Variants in CACNA1D observed in about 807,000 individuals in gnomAD.
The protein encoded by CACNA1D is voltage-dependent L-type calcium channel subunit alpha-1D.
A neutral mutation model predicts 257.1 loss-of-function variants in CACNA1D; 55 were observed. That is an observed-to-expected ratio of 0.21 (90% CI 0.17 to 0.27). CACNA1D has a LOEUF of 0.27. Ranked by LOEUF, CACNA1D falls within the 10% of genes least tolerant of loss-of-function variation. The pLI, the probability that CACNA1D is intolerant of heterozygous loss-of-function variation, is 1.00. For synonymous variants in CACNA1D, 980 were observed against 1,014.9 expected (o/e 0.97, Z 0.65); for missense variants, 1,876 against 2,784.0 (o/e 0.67, Z 7.34).
intron 3 of CACNA1D, among the ~76,000 whole-genome samples, chr3:53,593,744 TC>T (rs1302215745): frequency 2.0e-5 from 3 of 152,196 alleles, no homozygotes; most frequent in Non-Finnish European, 4.4e-5. Flanking sequence ...TGGGATTTTT[TC>T]CTTCTAAGCT....
intron 3 of CACNA1D, among the ~76,000 whole-genome samples, chr3:53,574,343 G>A (rs747545237): frequency 6.6e-6 from 1 of 152,142 alleles, no homozygotes; most frequent in African/African-American, 2.4e-5. Flanking sequence ...CCTTCTCACC[G>A]GATCTCCATC....
chr3:53,788,228 G>A (rs923741609), intron 40 of CACNA1D, among the ~76,000 whole-genome samples: 1 of 152,186 alleles, frequency 6.6e-6, no homozygotes, highest in African/African-American at 2.4e-5. Context: ...CTGATTCATG[G>A]TGCAACCTCT....
chr3:53,723,821 C>A lies in CACNA1D; in HGVS notation c.1922C>A (p.Ala641Glu). ...TGGACTTCCCTGAGCAACTTAGTGG[C>A]ATCCTTATTAAACTCCATGAAGTCC... Reference protein sequence around the residue: ...RHWTSLSNLVASLLNSMKSIA... With the variant: ...RHWTSLSNLVESLLNSMKSIA... The change falls in exon 14 of 48, where the codon GCA becomes GAA. Residue 641 changes from alanine to glutamate, a missense_variant. Transcript: ENST00000350061. The surrounding 1 kb of genome is among the most constrained non-coding windows in gnomAD (Gnocchi z 5.6). 1 of 1,614,092 alleles carries A rather than the reference C, an allele frequency of 6.2e-7. No homozygotes were observed. Among genetic ancestry groups the A allele is most frequent in the Non-Finnish European group, 8.5e-7 (1 of 1,179,926 alleles).
At chr3:53,701,612 C>T (rs773248641) in intron 8 of CACNA1D, among the ~76,000 whole-genome samples, 2 of 152,256 alleles carry the variant, frequency 1.3e-5, no homozygotes, top group Non-Finnish European at 2.9e-5. Flanking sequence ...TGTGCAGAAA[C>T]TGCATTGCTG....
rs1033321800 is a variant in CACNA1D, at chr3:53,523,528, C to G, written c.483+21808C>G. Among the ~76,000 whole-genome samples, 60 of 152,202 alleles carry G rather than the reference C, an allele frequency of 3.9e-4. 2 individuals are homozygous for G. Among genetic ancestry groups the G allele is most frequent in the Admixed American group, 7.2e-4 (11 of 15,282 alleles). Reference sequence around the variant, plus strand: ...CACAACTGAGACTGGCATCCAGGGCCTCTGGCGCTTCGCCATAGGCACATT... The same window carrying G: ...CACAACTGAGACTGGCATCCAGGGCGTCTGGCGCTTCGCCATAGGCACATT... On this transcript the variant is annotated intron_variant, in intron 3 of 47. Transcript: ENST00000350061.
intron 30 of CACNA1D, among the ~76,000 whole-genome samples, chr3:53,764,822 G>T (rs1489640461): frequency 6.6e-6 from 1 of 152,202 alleles, no homozygotes; most frequent in African/African-American, 2.4e-5. Context: ...CAGGCTTTCA[G>T]GGGGCCCCTT....
chr3:53,685,346 A>C (rs1314656926), intron 8 of CACNA1D, among the ~76,000 whole-genome samples: 4 of 152,170 alleles, frequency 2.6e-5, no homozygotes, highest in African/African-American at 9.6e-5. Context: ...AATTAAGTGG[A>C]GAAATTGATA....
Position 53,636,305 on chromosome 3 carries a change from C to T in CACNA1D, c.484-14474C>T, listed in dbSNP as rs1333457715. On this transcript the variant is annotated intron_variant, in intron 3 of 47. Transcript: ENST00000350061. ...CTGAAACACGTTTGAAAAATATATG[C>T]GATTTATTTGTTTTTTGAGATGGAG... 3.3e-5 allele frequency among the ~76,000 whole-genome samples: 5 copies of T among 151,982 alleles called. No homozygotes were observed. In the East Asian group the frequency reaches 5.8e-4, roughly 18 times the overall value.
intron 40 of CACNA1D, chr3:53,791,097 A>G (rs1559694720): frequency 2.9e-6 from 2 of 696,994 alleles, no homozygotes; most frequent in Admixed American, 2.0e-5. Context: ...GCTTATTTCT[A>G]CTGAAACAGC....
chr3:53,538,753 C>A (rs2092211111), intron 3 of CACNA1D, among the ~76,000 whole-genome samples: 1 of 152,186 alleles, frequency 6.6e-6, no homozygotes, highest in African/African-American at 2.4e-5. Context: ...CCATTTTCTT[C>A]AAGGAGTCAG....
intron 3 of CACNA1D, among the ~76,000 whole-genome samples, chr3:53,586,525 GT>G (rs1464230120): frequency 6.6e-6 from 1 of 152,008 alleles, no homozygotes; most frequent in Non-Finnish European, 1.5e-5. Flanking sequence ...ATCTACTTTG[GT>G]TTTTTAAAGT....
At chr3:53,685,772 A>G (rs2094468964) in intron 8 of CACNA1D, among the ~76,000 whole-genome samples, 1 of 152,140 alleles carries the variant, frequency 6.6e-6, no homozygotes, top group Non-Finnish European at 1.5e-5. Context: ...GGGAAATTGT[A>G]TGATCCGTTG....
chr3:53,720,759 G>C lies in CACNA1D; in HGVS notation c.1505+978G>C, dbSNP rs78889278. ...ATCTGACAATGACAAGTTCTGACAA[G>C]GATGCTGATTGGTGGGAACTTTCAT... On this transcript the variant is annotated intron_variant, in intron 11 of 47. Transcript: ENST00000350061. 9.5e-3 allele frequency among the ~76,000 whole-genome samples: 1,443 copies of C among 152,310 alleles called. 28 individuals are homozygous for C. Among genetic ancestry groups the C allele is most frequent in the African/African-American group, 0.032 (1,334 of 41,562 alleles).
At position 53,550,469 on chromosome 3, in the gene CACNA1D, C is replaced by T. The variant is rs1297774149; in HGVS notation, c.483+48749C>T. Among the ~76,000 whole-genome samples, 6 of 152,224 alleles carry T rather than the reference C, an allele frequency of 3.9e-5. No individual in the cohort carries two copies. In the East Asian group the frequency reaches 5.8e-4, roughly 15 times the overall value. On this transcript the variant is annotated intron_variant, in intron 3 of 47. Transcript: ENST00000350061. ...CATTCCTTGACTCTTCATGAACTGT[C>T]GGCCTTCCTGTGTAAGTGGGTCAGG...
Position 53,800,408 on chromosome 3 carries a change from A to G in CACNA1D, c.5040+43A>G. The G allele has an allele frequency of 7.7e-7, 1 of 1,306,866 alleles. No individual in the cohort carries two copies. 81.0% of individuals were successfully genotyped at this position (1,306,866 alleles called of 1,614,324 possible). The stretch of plus-strand genomic sequence containing the variant: ...AGCTACACACTGGCCATCTGGAAAT[A>G]GCAGGGCAGGACTCCAGTTTGGGCA... On this transcript the variant is annotated intron_variant, in intron 41 of 47. Transcript: ENST00000350061. This position sits in a 1 kb window ranked among gnomAD's most constrained non-coding sequence, Gnocchi z 4.3.
In CACNA1D at chr3:53,800,594, C is replaced by T; in HGVS notation, c.5040+229C>T. On this transcript the variant is annotated intron_variant, in intron 41 of 47. Transcript: ENST00000350061. This position sits in a 1 kb window ranked among gnomAD's most constrained non-coding sequence, Gnocchi z 4.3. ...CCTGAGCTTACCCAGCTTCCCCTCA[C>T]TGCCTGCTTCTGAGGAGCTCGGCCA... 1.7e-6 allele frequency: 1 copy of T among 594,424 alleles called. No individual in the cohort carries two copies. The highest frequency in any genetic ancestry group is 4.1e-4 in the Middle Eastern group (1 of 2,414). The allele number at this position is 594,424 out of a possible 1,614,324, so 36.8% of individuals were successfully genotyped here.
intron 32 of CACNA1D, among the ~76,000 whole-genome samples, chr3:53,771,500 G>A (rs529988514): frequency 6.6e-6 from 1 of 152,320 alleles, no homozygotes; most frequent in African/African-American, 2.4e-5. Context: ...AGCAAGCGGG[G>A]TGGTGCAGGC....
intron 18 of CACNA1D, among the ~76,000 whole-genome samples, chr3:53,732,594 C>A (rs2095007816): frequency 6.6e-6 from 1 of 152,110 alleles, no homozygotes; most frequent in East Asian, 1.9e-4. Flanking sequence ...CTCATCATTC[C>A]CGCAAACTAA....
At chr3:53,588,495 G>A (rs764603971) in intron 3 of CACNA1D, among the ~76,000 whole-genome samples, 2 of 152,098 alleles carry the variant, frequency 1.3e-5, no homozygotes, top group African/African-American at 4.8e-5. Context: ...CCTTCTGCCT[G>A]GGGGAGTAGA....
Sources: allele counts gnomAD v4.1 joint callset (sites outside exome capture counted in the v4.1 genomes callset), GRCh38; gene constraint gnomAD v4.1.1; non-coding constraint Gnocchi (gnomAD v3.1); transcripts MANE v1.5; gene names NCBI Gene and HGNC (gene_info 2026-07-23, HGNC 2026-07-21).